The following SV2B variants were observed in gnomAD, a reference collection of about 807,000 sequenced individuals.
SV2B encodes solute carrier family 22 member B2.
A neutral mutation model predicts 73.9 loss-of-function variants in SV2B; 41 were observed. The observed-to-expected ratio is 0.56, with a 90% CI of 0.43 to 0.72. The LOEUF (loss-of-function observed/expected upper bound fraction) is 0.72. Ranked by LOEUF, SV2B falls within the 30% of genes least tolerant of loss-of-function variation. The pLI, the probability that SV2B is intolerant of heterozygous loss-of-function variation, is 0.00. For synonymous variants in SV2B, 314 were observed against 314.2 expected, an observed-to-expected ratio of 1.00 and a Z score of 0.01; for missense variants, 764 against 857.8, an observed-to-expected ratio of 0.89 and a Z score of 1.37.
At chr15:91,117,181 C>G (rs545397639) in intron 1 of SV2B, among the ~76,000 whole-genome samples, 1 of 152,162 alleles carries the variant, frequency 6.6e-6, no homozygotes, top group African/African-American at 2.4e-5. Flanking sequence ...GCAAGAGTAT[C>G]GGTCTGGAGC....
At chr15:91,207,018 G>C (rs1447750671) in intron 1 of SV2B, among the ~76,000 whole-genome samples, 1 of 152,018 alleles carries the variant, frequency 6.6e-6, no homozygotes, top group Non-Finnish European at 1.5e-5. Context: ...GATGTGAAAT[G>C]GGATTGTGAG....
chr15:91,282,782 T>C (rs2048724710), intron 10 of SV2B, among the ~76,000 whole-genome samples: 1 of 152,204 alleles, frequency 6.6e-6, no homozygotes. Flanking sequence ...CTCTATGATA[T>C]CAGCCTCAAG....
intron 1 of SV2B, among the ~76,000 whole-genome samples, chr15:91,211,629 G>A (rs866349410): frequency 2.6e-4 from 39 of 150,976 alleles, no homozygotes; most frequent in African/African-American, 8.5e-4. Flanking sequence ...TCAGCCTCCT[G>A]AGTAGCTGGA....
rs755171141 is a variant in SV2B at position 91,226,236 on chromosome 15, G to A, written c.-28G>A. The A allele has an allele frequency of 1.2e-6, 2 of 1,611,818 alleles. No homozygotes were observed. The highest frequency in any genetic ancestry group is 1.7e-6 in the Non-Finnish European group (2 of 1,178,412). On this transcript the variant is annotated 5_prime_UTR_variant, in exon 2 of 13. Transcript: ENST00000394232. ...ACAGAGCGAGGGATATAGCTCAAGG[G>A]GCAACCAGGCAGTCGCAGAACCAAG...
intron 1 of SV2B, among the ~76,000 whole-genome samples, chr15:91,211,920 C>T (rs978150972): frequency 4.0e-5 from 6 of 149,774 alleles, no homozygotes; most frequent in Admixed American, 6.8e-5. Context: ...GGATTATAGG[C>T]GTGTGCCACT....
rs1236516442 is a variant in SV2B, at chr15:91,281,388, AT to A, written c.1374-339del. Among the ~76,000 whole-genome samples, 18 of 152,326 alleles carry A rather than the reference AT, an allele frequency of 1.2e-4. No individual in the cohort carries two copies. The highest frequency in any genetic ancestry group is 4.4e-5 in the Non-Finnish European group (3 of 68,030). ...CTCCAGGGACCTGCATGTTTTAAAA[AT>A]GTCTCAGAAAGTGAGGTGTTATTAA... On this transcript the variant is annotated intron_variant, in intron 9 of 12. Transcript: ENST00000394232. The surrounding 1 kb of genome is among the most constrained non-coding windows in gnomAD (Gnocchi z 4.7).
intron 1 of SV2B, among the ~76,000 whole-genome samples, chr15:91,158,353 G>T (rs62025204): frequency 0.66 from 100,326 of 151,848 alleles, 33,373 homozygotes; most frequent in East Asian, 0.7. Context: ...TCTGGGCTAG[G>T]GGGATTACAA....
At chr15:91,180,344 A>G (rs1000280490) in intron 1 of SV2B, among the ~76,000 whole-genome samples, 1 of 151,270 alleles carries the variant, frequency 6.6e-6, no homozygotes, top group Non-Finnish European at 1.5e-5. Flanking sequence ...CTTCATTTCA[A>G]CTTTGGTGAA....
intron 1 of SV2B, among the ~76,000 whole-genome samples, chr15:91,209,001 G>T (rs1437057281): frequency 6.6e-6 from 1 of 151,936 alleles, no homozygotes; most frequent in Admixed American, 6.6e-5. Context: ...GTCAGTGCCA[G>T]GTCCTGCTTC....
At position 91,130,730 on chromosome 15, in the gene SV2B, A is replaced by G. The variant is rs1392944185; in HGVS notation, c.-392+30367A>G. 1.3e-5 allele frequency among the ~76,000 whole-genome samples: 2 copies of G among 152,108 alleles called. No individual in the cohort carries two copies. Among genetic ancestry groups the G allele is most frequent in the Non-Finnish European group, 2.9e-5 (2 of 68,024 alleles). On this transcript the variant is annotated intron_variant, in intron 1 of 12. Transcript: ENST00000394232. The surrounding 1 kb of genome is among the most constrained non-coding windows in gnomAD (Gnocchi z 5.6). Reference sequence around the variant, plus strand: ...AAGAGCTGCAGTCCTGGGGGCAAAGAGGGGAGTGTGTGGCGGTGCACGGTT... The same window carrying G: ...AAGAGCTGCAGTCCTGGGGGCAAAGGGGGGAGTGTGTGGCGGTGCACGGTT...
intron 1 of SV2B, among the ~76,000 whole-genome samples, chr15:91,189,980 G>A (rs142208601): frequency 1.3e-5 from 2 of 151,252 alleles, no homozygotes; most frequent in Admixed American, 1.3e-4. Context: ...AGAGCGAGAC[G>A]CCATCTCAAA....
At chr15:91,277,100 A>G (rs1001593587) in intron 9 of SV2B, among the ~76,000 whole-genome samples, 20 of 152,004 alleles carry the variant, frequency 1.3e-4, no homozygotes, top group African/African-American at 4.1e-4. Context: ...ATTATTTTTT[A>G]AGTGATTATG....
intron 1 of SV2B, among the ~76,000 whole-genome samples, chr15:91,184,006 A>T (rs940996118): frequency 6.6e-6 from 1 of 152,212 alleles, no homozygotes; most frequent in Non-Finnish European, 1.5e-5. Context: ...TTTAATTGCT[A>T]GTATTGTTAA....
intron 1 of SV2B, chr15:91,102,172 G>A (rs1379107595): frequency 6.6e-6 from 1 of 152,236 alleles, no homozygotes; most frequent in Non-Finnish European, 1.5e-5. Flanking sequence ...CCAAAGCTGT[G>A]ATGGGTGACG....
At position 91,226,608 on chromosome 15, in the gene SV2B, G is replaced by C. The variant is rs78104358; in HGVS notation, c.345G>C (p.Leu115Phe). ...GRFQWILFFV[L>F]GLALMADGVE... ...TCCAGTGGATCCTCTTTTTCGTCTTGGGTTTGGCCCTGATGGCCGATGGGG... is the reference window on the plus strand; with the variant it reads ...TCCAGTGGATCCTCTTTTTCGTCTTCGGTTTGGCCCTGATGGCCGATGGGG... The change falls in exon 2 of 13, where the codon TTG (leucine) becomes TTC (phenylalanine). Residue 115 changes from leucine (L) to phenylalanine (F), a missense_variant. By Grantham distance (22) the Leu-to-Phe change is conservative. Coordinates refer to ENST00000394232, the MANE Select transcript of SV2B (RefSeq NM_001323032.3). 6.2e-7 allele frequency: 1 copy of C among 1,614,022 alleles called. No homozygotes were observed. The highest frequency in any genetic ancestry group is 8.5e-7 in the Non-Finnish European group (1 of 1,180,016).
intron 9 of SV2B, among the ~76,000 whole-genome samples, chr15:91,275,720 G>C (rs2048462926): frequency 6.6e-6 from 1 of 152,114 alleles, no homozygotes; most frequent in Admixed American, 6.5e-5. Flanking sequence ...CAGCTACTTG[G>C]GAGGCTGAGG....
Position 91,227,215 on chromosome 15 carries a change from T to C in SV2B, c.451+501T>C, listed in dbSNP as rs886868934. Reference sequence around the variant, plus strand: ...AATGTTAGTAGGCTGAATGCCCACATACCCTGGGGATGAATGGTGGGCTTA... The same window carrying C: ...AATGTTAGTAGGCTGAATGCCCACACACCCTGGGGATGAATGGTGGGCTTA... On this transcript the variant is annotated intron_variant, in intron 2 of 12. Coordinates refer to ENST00000394232, the MANE Select transcript of SV2B (RefSeq NM_001323032.3). This position sits in a 1 kb window ranked among gnomAD's most constrained non-coding sequence, Gnocchi z 4.5. Among the ~76,000 whole-genome samples the C allele has an allele frequency of 6.6e-6, 1 of 152,156 alleles. No homozygotes were observed. The highest frequency in any genetic ancestry group is 2.4e-5 in the African/African-American group (1 of 41,452).
chr15:91,256,816 T>C (rs1076179), intron 4 of SV2B, among the ~76,000 whole-genome samples: 70,251 of 152,074 alleles, frequency 0.46, 19,547 homozygotes, highest in African/African-American at 0.78. Context: ...GTACAAATAG[T>C]GTAGAAAATG....
intron 1 of SV2B, among the ~76,000 whole-genome samples, chr15:91,125,624 A>G (rs1761172846): frequency 6.6e-6 from 1 of 151,568 alleles, no homozygotes; most frequent in African/African-American, 2.4e-5. Context: ...ATACCAAAAA[A>G]ATTAGCCAGT....
Sources: gnomAD v4.1 joint callset for allele counts (sites outside exome capture counted in the v4.1 genomes callset) on GRCh38, gnomAD v4.1.1 for gene constraint, Gnocchi (gnomAD v3.1) non-coding constraint, MANE v1.5 for transcripts, NCBI Gene and HGNC (gene_info 2026-07-23, HGNC 2026-07-21) for gene names.